Variants in TMEM182 observed in about 807,000 individuals in gnomAD.
TMEM182 encodes transmembrane protein 182.
Under a neutral mutation model 26.8 loss-of-function variants are expected in TMEM182, and 20 were observed. The observed-to-expected ratio is 0.75, with a 90% CI of 0.53 to 1.09. TMEM182 has a LOEUF of 1.09. Among genes scored for constraint, TMEM182 ranks in the 50% least tolerant of loss-of-function variants. The probability of loss-of-function intolerance (pLI) is 0.00; values close to 1 mark genes in which losing one functional copy is unlikely to be tolerated. For missense variants in TMEM182, 277 were observed against 275.5 expected (o/e 1.01, Z -0.04); for synonymous variants, 109 against 102.2 (o/e 1.07, Z -0.40).
At chr2:102,843,832 G>T (rs1024796882) in exon 4 of TMEM182, 3 of 152,160 alleles carry the variant, frequency 2.0e-5, no homozygotes, top group Admixed American at 2.0e-4. Flanking sequence ...GGCAATTTGG[G>T]ATTATAGTAT....
At chr2:102,786,472 C>T (rs756150749) in intron 3 of TMEM182, among the ~76,000 whole-genome samples, 7 of 152,170 alleles carry the variant, frequency 4.6e-5, no homozygotes, top group Non-Finnish European at 5.9e-5. Flanking sequence ...CTTGGCCTCC[C>T]AAAGTGTTGG....
downstream of TMEM182, among the ~76,000 whole-genome samples, chr2:102,818,754 C>CTATCTATG (rs1553444819): frequency 7.1e-6 from 1 of 141,752 alleles, no homozygotes; most frequent in Non-Finnish European, 1.6e-5. Flanking sequence ...TCCTATCTAT[C>CTATCTATG]TATCTATCTA....
chr2:102,791,438 T>C (rs777229825), intron 3 of TMEM182, among the ~76,000 whole-genome samples: 1 of 152,252 alleles, frequency 6.6e-6, no homozygotes, highest in Non-Finnish European at 1.5e-5. Context: ...GAAAATGTAA[T>C]TCTGTAAAAG....
At chr2:102,746,962 T>G (rs572356198) in intron 1 of TMEM182, among the ~76,000 whole-genome samples, 1 of 152,356 alleles carries the variant, frequency 6.6e-6, no homozygotes, top group South Asian at 2.1e-4. Context: ...AAATATTTTC[T>G]TTAACGAATG....
chr2:102,804,779 A>G (rs1682284325), intron 4 of TMEM182, among the ~76,000 whole-genome samples: 1 of 152,202 alleles, frequency 6.6e-6, no homozygotes, highest in Non-Finnish European at 1.5e-5. Flanking sequence ...TTTGTTACTG[A>G]TATGCCAGTC....
chr2:102,812,384 TACAC>T (rs61175945), intron 4 of TMEM182, among the ~76,000 whole-genome samples: 34,356 of 143,028 alleles, frequency 0.24, 4,591 homozygotes, highest in Middle Eastern at 0.32. Context: ...TCTACACATG[TACAC>T]ACACACACAC....
chr2:102,749,628 C>T (rs1679817167), intron 1 of TMEM182, among the ~76,000 whole-genome samples: 1 of 151,978 alleles, frequency 6.6e-6, no homozygotes, highest in Non-Finnish European at 1.5e-5. Flanking sequence ...AACTTTGAAC[C>T]AATCATCTGG....
At chr2:102,787,336 C>T (rs1681437446) in intron 3 of TMEM182, among the ~76,000 whole-genome samples, 1 of 152,182 alleles carries the variant, frequency 6.6e-6, no homozygotes, top group South Asian at 2.1e-4. Flanking sequence ...TTCAGGGTTG[C>T]AGATGGCTTT....
At chr2:102,740,988 A>G (rs560901577) in intron 1 of TMEM182, among the ~76,000 whole-genome samples, 2 of 152,360 alleles carry the variant, frequency 1.3e-5, no homozygotes, top group East Asian at 3.9e-4. Context: ...GATTCCTTTC[A>G]TATAAAAATT....
chr2:102,743,082 G>C (rs1300463664), intron 1 of TMEM182, among the ~76,000 whole-genome samples: 1 of 152,052 alleles, frequency 6.6e-6, no homozygotes, highest in East Asian at 1.9e-4. Context: ...TAATGTAACA[G>C]TGTACCAAGT....
intron 3 of TMEM182, among the ~76,000 whole-genome samples, chr2:102,783,631 G>A (rs920236054): frequency 2.6e-5 from 4 of 152,120 alleles, no homozygotes; most frequent in Non-Finnish European, 5.9e-5. Context: ...AAACACCAAC[G>A]ATCTGTTGGG....
chr2:102,774,672 T>A (rs1272937260), intron 3 of TMEM182, among the ~76,000 whole-genome samples: 2 of 152,316 alleles, frequency 1.3e-5, no homozygotes, highest in Middle Eastern at 3.4e-3. Context: ...TTTTTGAAGA[T>A]GTGTGTCCAG....
chr2:102,820,521 A>G (rs1055327274), downstream of TMEM182, among the ~76,000 whole-genome samples: 6 of 152,192 alleles, frequency 3.9e-5, no homozygotes, highest in Non-Finnish European at 8.8e-5. Flanking sequence ...AGATGAAACT[A>G]TGCTTGTTGG....
upstream of TMEM182, among the ~76,000 whole-genome samples, chr2:102,760,608 TTTTGTTTG>T (rs984725575): frequency 6.6e-6 from 1 of 152,278 alleles, no homozygotes; most frequent in African/African-American, 2.4e-5. Flanking sequence ...TCATGTTTTT[TTTTGTTTG>T]TTTGTTTTTT....
chr2:102,754,303 G>A (rs1679970403), intron 1 of TMEM182, among the ~76,000 whole-genome samples: 1 of 152,120 alleles, frequency 6.6e-6, no homozygotes, highest in African/African-American at 2.4e-5. Context: ...GGAACCTGGG[G>A]AACCTTGAAA....
intron 3 of TMEM182, chr2:102,775,343 T>G (rs1446077245): frequency 1.3e-5 from 2 of 152,184 alleles, no homozygotes; most frequent in African/African-American, 2.4e-5. Context: ...CAACAACACT[T>G]CATGCTAAAA....
At chr2:102,757,197 A>T (rs1415684292), upstream of TMEM182, among the ~76,000 whole-genome samples, 1 of 152,194 alleles carries the variant, frequency 6.6e-6, no homozygotes, top group South Asian at 2.1e-4. Flanking sequence ...CCCCAGGCTC[A>T]TCTACTCTTG....
intron 3 of TMEM182, among the ~76,000 whole-genome samples, chr2:102,781,475 G>A (rs965744045): frequency 7.2e-5 from 11 of 152,176 alleles, no homozygotes; most frequent in Admixed American, 4.6e-4. Flanking sequence ...GCATTTAAGC[G>A]TCATGGCATG....
intron 3 of TMEM182, among the ~76,000 whole-genome samples, chr2:102,775,686 C>CAAAGTCTCAGGCAACTTCAGT (rs1680884848): frequency 6.6e-6 from 1 of 152,174 alleles, no homozygotes; most frequent in African/African-American, 2.4e-5. Context: ...GCAACTTCAG[C>CAAAGTCTCAGGCAACTTCAGT]AAAGTCTCAG....
Sources: gnomAD v4.1 joint callset for allele counts (sites outside exome capture counted in the v4.1 genomes callset) on GRCh38, gnomAD v4.1.1 for gene constraint, MANE v1.5 for transcripts, NCBI Gene and HGNC (gene_info 2026-07-23, HGNC 2026-07-21) for gene names.